Variants in SERBP1 observed in about 807,000 individuals in gnomAD.
SERBP1 encodes SERPINE1 mRNA binding protein 1.
Under a neutral mutation model 50.2 loss-of-function variants are expected in SERBP1, and 6 were observed. That is an observed-to-expected ratio of 0.12 (90% CI 0.07 to 0.24). The LOEUF is 0.24. SERBP1 is among the 10% of genes least tolerant of loss of function. The pLI is 1.00. For synonymous variants in SERBP1, 168 were observed against 182.8 expected (o/e 0.92, Z 0.65); for missense variants, 346 against 524.9 (o/e 0.66, Z 3.33).
In SERBP1 at chr1:67,424,955, G is replaced by A. The variant is rs776550160; in HGVS notation, c.628C>T (p.Leu210=). The A allele has an allele frequency of 1.1e-5, 17 of 1,612,870 alleles. No individual in the cohort carries two copies. Among genetic ancestry groups the A allele is most frequent in the South Asian group, 1.1e-5 (1 of 91,038 alleles). Residue 210 remains leucine, a synonymous_variant, in exon 4 of 8, where the codon CTG becomes TTG. Transcript: ENST00000361219. ...DRSSFSHYSG[L]KHEDKRGGSG... ...CCTCCACGTTTGTCCTCGTGCTTCA[G>A]GCCACTGTAATGTGAAAAAGAACTA...
At chr1:67,417,686 T>A (rs1162521192) in intron 6 of SERBP1, among the ~76,000 whole-genome samples, 15 of 151,948 alleles carry the variant, frequency 9.9e-5, no homozygotes, top group Admixed American at 9.8e-4. Flanking sequence ...ATAATTTTTA[T>A]ATTTTTTGTA....
rs1667143146 is a variant in SERBP1, at chr1:67,419,684, GC to G, written c.951+324del. ...CAGCCCTTTAATGATCCCCAGTTTG[GC>G]AAGATTTCAAAAATACAACCACAAC... On this transcript the variant is annotated intron_variant, in intron 6 of 7. Coordinates refer to ENST00000361219, the MANE Select transcript of SERBP1 (RefSeq NM_001018069.2). 1.1e-5 allele frequency: 3 copies of G among 271,948 alleles called. No homozygotes were observed. In the Admixed American group the frequency reaches 1.5e-4, roughly 14 times the overall value. 16.8% of individuals were successfully genotyped at this position (271,948 alleles called of 1,614,324 possible).
chr1:67,424,435 T>C, intron 4 of SERBP1, 158 bp from the exon 5 acceptor site: 3 of 916,960 alleles, frequency 3.3e-6, no homozygotes, highest in Non-Finnish European at 4.8e-6. Context: ...TCTTACTAAA[T>C]ATACTCCCCA....
chr1:67,416,691 C>G (rs1375071446), intron 6 of SERBP1, among the ~76,000 whole-genome samples: 3 of 152,114 alleles, frequency 2.0e-5, no homozygotes, highest in Non-Finnish European at 4.4e-5. Context: ...GTGTTTTTAT[C>G]CATGTTTTCA....
chr1:67,418,989 A>G (rs1667118932), intron 6 of SERBP1, among the ~76,000 whole-genome samples: 1 of 152,214 alleles, frequency 6.6e-6, no homozygotes, highest in South Asian at 2.1e-4. Context: ...TTTTAAAGCC[A>G]AACAGGAAGC....
chr1:67,424,583 C>A (rs1482875043), intron 4 of SERBP1, among the ~76,000 whole-genome samples: 2 of 152,064 alleles, frequency 1.3e-5, no homozygotes, highest in Non-Finnish European at 2.9e-5. Context: ...AAGTCAAAAG[C>A]TAGAATAGGA....
chr1:67,415,040 T>C, intron 7 of SERBP1, 126 bp downstream of exon 7: 2 of 1,009,046 alleles, frequency 2.0e-6, no homozygotes, highest in African/African-American at 1.7e-5. Flanking sequence ...TAACCTAACA[T>C]GCGGTTTCTT....
At chr1:67,419,888 CA>C in intron 6 of SERBP1, 120 bp downstream of exon 6, 1 of 800,178 alleles carries the variant, frequency 1.2e-6, no homozygotes, top group South Asian at 1.8e-5. Context: ...TTATCTGCCC[CA>C]AATGATCCTA....
rs1210253778 is a variant in SERBP1, at chr1:67,412,604, C to CAT, written c.*601_*602dup. ...GATATTTCTGTATATAAAGATTTAG[C>CAT]ATATATATATAACAGCTATCATGAG... On this transcript the variant is annotated 3_prime_UTR_variant, in exon 8 of 8. Coordinates refer to ENST00000361219, the MANE Select transcript of SERBP1 (RefSeq NM_001018069.2). The CAT allele has an allele frequency of 6.6e-5, 10 of 152,420 alleles. No individual in the cohort carries two copies. The highest frequency in any genetic ancestry group is 2.1e-4 in the South Asian group (1 of 4,808). 9.4% of individuals were successfully genotyped at this position (152,420 alleles called of 1,614,324 possible).
intron 6 of SERBP1, among the ~76,000 whole-genome samples, chr1:67,416,393 T>G (rs1490931687): frequency 6.6e-6 from 1 of 152,158 alleles, no homozygotes; most frequent in Non-Finnish European, 1.5e-5. Context: ...TGACCCAGTC[T>G]GGGGGAAAAA....
intron 6 of SERBP1, among the ~76,000 whole-genome samples, chr1:67,418,664 C>T (rs941305787): frequency 6.6e-6 from 1 of 151,854 alleles, no homozygotes; most frequent in African/African-American, 2.4e-5. Context: ...GAGGTTGAGA[C>T]ACAAGAACTG....
rs1325349914 is a variant in SERBP1, at chr1:67,410,705, T to C, written c.*2502A>G. 2 of 152,178 alleles carry C rather than the reference T, an allele frequency of 1.3e-5. No individual in the cohort carries two copies. The highest frequency in any genetic ancestry group is 2.9e-5 in the Non-Finnish European group (2 of 68,020). The allele number at this position is 152,178 out of a possible 1,614,324, so 9.4% of individuals were successfully genotyped here. A position where few individuals can be genotyped will look rare whatever the true frequency, so the allele number is the denominator to read the frequency against. ...GAATCTTTATCTGTTTAGGGATTTT[T>C]CCCCTAGACTATTATAGCCAGTTTG... On this transcript the variant is annotated 3_prime_UTR_variant, in exon 8 of 8. Coordinates refer to ENST00000361219, the MANE Select transcript of SERBP1 (RefSeq NM_001018069.2).
intron 5 of SERBP1, among the ~76,000 whole-genome samples, chr1:67,422,546 C>T (rs1220535661): frequency 2.0e-5 from 3 of 151,556 alleles, no homozygotes; most frequent in Non-Finnish European, 4.4e-5. Context: ...GTTTAGAAAA[C>T]ATCTGCCCCT....
In SERBP1 at chr1:67,430,159, C is replaced by T; in HGVS notation, c.142G>A (p.Gly48Ser). 7 of 1,610,984 alleles carry T rather than the reference C, an allele frequency of 4.3e-6. No individual in the cohort carries two copies. Among genetic ancestry groups the T allele is most frequent in the Non-Finnish European group, 5.9e-6 (7 of 1,179,574 alleles). Residue 48 changes from glycine to serine, a missense_variant, in exon 1 of 8, where the codon GGC becomes AGC. Coordinates refer to ENST00000361219, the MANE Select transcript of SERBP1 (RefSeq NM_001018069.2). ...TGAGCTGCGCTCTTGGCCCCAGGGC[C>T]CCCAACGCCGCCCCCGCCGGCTTCT... ...KKEAGGGGVG[G>S]PGAKSAAQAA...
Position 67,427,026 on chromosome 1 carries a change from T to A in SERBP1, c.314-741A>T, listed in dbSNP as rs536677585. Among the ~76,000 whole-genome samples, 15 of 152,328 alleles carry A rather than the reference T, an allele frequency of 9.8e-5. No individual in the cohort carries two copies. In the South Asian group the frequency reaches 2.7e-3, roughly 27 times the overall value. On this transcript the variant is annotated intron_variant, in intron 1 of 7. Coordinates refer to ENST00000361219, the MANE Select transcript of SERBP1 (RefSeq NM_001018069.2). ...ATTTTATAGCATGTAAGTGTATATA[T>A]GTTTGTACACACTCCCACATCCCTA...
intron 6 of SERBP1, 101 bp from the exon 7 acceptor site, chr1:67,415,440 CTG>C (rs1381574845): frequency 8.5e-7 from 1 of 1,181,888 alleles, no homozygotes; most frequent in East Asian, 2.6e-5. Flanking sequence ...AAAATCCAAA[CTG>C]TACTTTCTGT....
At chr1:67,423,256 C>T (rs942406085) in intron 5 of SERBP1, among the ~76,000 whole-genome samples, 1 of 148,812 alleles carries the variant, frequency 6.7e-6, no homozygotes, top group Non-Finnish European at 1.5e-5. Context: ...CCGACAGTGC[C>T]ACTACACTCC....
At chr1:67,415,022 CATAAAT>C (rs1570280880) in intron 7 of SERBP1, 138 bp downstream of exon 7, 3 of 901,842 alleles carry the variant, frequency 3.3e-6, no homozygotes, top group South Asian at 5.5e-5. Context: ...GTGCTTTAAA[CATAAAT>C]ATAACCTAAC....
At position 67,410,904 on chromosome 1, in the gene SERBP1, C is replaced by A. The variant is rs1452314868; in HGVS notation, c.*2303G>T. 6.6e-6 allele frequency: 1 copy of A among 152,060 alleles called. No homozygotes were observed. The highest frequency in any genetic ancestry group is 1.9e-4 in the East Asian group (1 of 5,192). The allele number at this position is 152,060 out of a possible 1,614,324, so 9.4% of individuals were successfully genotyped here. On this transcript the variant is annotated 3_prime_UTR_variant, in exon 8 of 8. Transcript: ENST00000361219. The stretch of plus-strand genomic sequence containing the variant: ...ATAAGTACCCTTCCCAAATGTGATT[C>A]AACAGCCTGGTTTTTAGCAAATAAA...
Sources: gnomAD v4.1 joint callset for allele counts (sites outside exome capture counted in the v4.1 genomes callset) on GRCh38, gnomAD v4.1.1 for gene constraint, MANE v1.5 for transcripts, NCBI Gene and HGNC (gene_info 2026-07-23, HGNC 2026-07-21) for gene names.